TBC1D22A: variants seen among roughly 807,000 people sequenced by gnomAD.
TBC1D22A encodes the protein TBC1 domain family member 22A, also known as putative GTPase activator.
A neutral mutation model predicts 60.2 loss-of-function variants in TBC1D22A; 38 were observed. That is an observed-to-expected ratio of 0.63 (90% confidence interval 0.49 to 0.83). The LOEUF is 0.83. TBC1D22A is among the 40% of genes least tolerant of loss of function. TBC1D22A has a pLI of 0.00. For synonymous variants in TBC1D22A, 302 were observed against 281.7 expected, an observed-to-expected ratio of 1.07 and a Z score of -0.72; for missense variants, 628 against 701.0, an observed-to-expected ratio of 0.90 and a Z score of 1.18.
chr22:47,110,334 C>G (rs2065802030), intron 11 of TBC1D22A, among the ~76,000 whole-genome samples: 1 of 152,032 alleles, frequency 6.6e-6, no homozygotes, highest in Admixed American at 6.6e-5. Context: ...ACAAAATTAG[C>G]CAGGTGTGGT....
intron 9 of TBC1D22A, among the ~76,000 whole-genome samples, chr22:46,991,524 T>G (rs1223888212): frequency 2.0e-5 from 3 of 152,222 alleles, no homozygotes; most frequent in Non-Finnish European, 2.9e-5. Context: ...AGCAGTCAGC[T>G]CAGCAGAAGG....
intron 12 of TBC1D22A, among the ~76,000 whole-genome samples, chr22:47,167,195 T>A (rs2068240689): frequency 6.6e-6 from 1 of 152,194 alleles, no homozygotes; most frequent in Non-Finnish European, 1.5e-5. Context: ...TGAATTTGCA[T>A]ATACACACAG....
At chr22:46,776,286 C>A (rs752497308) in intron 1 of TBC1D22A, among the ~76,000 whole-genome samples, 2 of 152,090 alleles carry the variant, frequency 1.3e-5, no homozygotes, top group African/African-American at 2.4e-5. Context: ...TGTTTGGGAG[C>A]CTGGCGGGTC....
At chr22:46,838,170 G>T (rs2086600728) in intron 4 of TBC1D22A, among the ~76,000 whole-genome samples, 1 of 152,104 alleles carries the variant, frequency 6.6e-6, no homozygotes, top group Admixed American at 6.5e-5. Flanking sequence ...GTAAAGATTA[G>T]AACAAGTAAA....
intron 4 of TBC1D22A, among the ~76,000 whole-genome samples, chr22:46,853,874 A>G (rs184519652): frequency 6.6e-6 from 1 of 152,292 alleles, no homozygotes; most frequent in Non-Finnish European, 1.5e-5. Context: ...TTTGGAAAGC[A>G]CATGAGACTC....
At chr22:47,076,778 A>ACAGCAT (rs2064245407) in intron 11 of TBC1D22A, among the ~76,000 whole-genome samples, 1 of 152,186 alleles carries the variant, frequency 6.6e-6, no homozygotes, top group African/African-American at 2.4e-5. Context: ...AGCAACAGCA[A>ACAGCAT]CAAAAAACAG....
At chr22:46,793,390 G>C (rs2084508633) in intron 2 of TBC1D22A, 111 bp from the exon 3 acceptor site, 3 of 1,050,472 alleles carry the variant, frequency 2.9e-6, no homozygotes, top group Non-Finnish European at 1.4e-6. Context: ...ACTATTGCTA[G>C]ATCAAAGCTG....
chr22:46,793,612 C>T lies in TBC1D22A; in HGVS notation c.231C>T (p.Asp77=), dbSNP rs138211003. 48 of 1,613,888 alleles carry T rather than the reference C, an allele frequency of 3.0e-5. No individual in the cohort carries two copies. The highest frequency in any genetic ancestry group is 3.4e-5 in the Non-Finnish European group (40 of 1,180,032). ...GCGATGCCTGGGACGCTGGGGAGGA[C>T]GACGATGAGCTCCTGGCCATGGCGG... ...NTSDAWDAGE[D]DDELLAMAAE... is the part of the protein sequence containing the mutation. Residue 77 remains aspartate, a synonymous_variant, in exon 3 of 13, where the codon GAC becomes GAT. Coordinates refer to ENST00000337137, the MANE Select transcript of TBC1D22A (RefSeq NM_014346.5).
chr22:46,843,271 C>G (rs898739054), intron 4 of TBC1D22A, among the ~76,000 whole-genome samples: 1 of 152,094 alleles, frequency 6.6e-6, no homozygotes, highest in African/African-American at 2.4e-5. Context: ...AAACCACCAC[C>G]TGCACAGAGC....
chr22:47,030,499 G>A (rs2062434574), intron 10 of TBC1D22A, among the ~76,000 whole-genome samples: 1 of 152,218 alleles, frequency 6.6e-6, no homozygotes, highest in South Asian at 2.1e-4. Context: ...GCTGGGAAAA[G>A]TGTTCAACAA....
intron 8 of TBC1D22A, among the ~76,000 whole-genome samples, chr22:46,960,771 G>A (rs942780184): frequency 1.3e-5 from 2 of 151,878 alleles, no homozygotes; most frequent in Admixed American, 6.6e-5. Context: ...ACGGTGAAAC[G>A]CTGTCTCGAC....
chr22:46,991,420 T>C (rs136134), intron 9 of TBC1D22A, among the ~76,000 whole-genome samples: 66,077 of 151,994 alleles, frequency 0.43, 16,530 homozygotes, highest in African/African-American at 0.7. Flanking sequence ...AGATTCAGAA[T>C]GGGTTCAGCT....
chr22:46,920,152 TCATGG>T (rs1163498099), intron 8 of TBC1D22A, among the ~76,000 whole-genome samples: 1 of 152,156 alleles, frequency 6.6e-6, no homozygotes, highest in Non-Finnish European at 1.5e-5. Flanking sequence ...TTATCATAGT[TCATGG>T]CAGCTGCAAC....
rs136080 is a variant in TBC1D22A at position 46,953,486 on chromosome 22, G to GTT, written c.1016-20797_1016-20796dup. ...TTTACCTTCATTTTTATAATTTCCT[G>GTT]TTTTTTTTCATTTATTTTTGTAGGT... On this transcript the variant is annotated intron_variant, in intron 8 of 12. Transcript: ENST00000337137. 1.7e-3 allele frequency among the ~76,000 whole-genome samples: 265 copies of GTT among 151,546 alleles called. 2 individuals carry two copies. The highest frequency in any genetic ancestry group is 5.4e-3 in the Admixed American group (82 of 15,232).
At chr22:46,926,477 A>C (rs2071055427) in intron 8 of TBC1D22A, among the ~76,000 whole-genome samples, 1 of 152,254 alleles carries the variant, frequency 6.6e-6, no homozygotes, top group Non-Finnish European at 1.5e-5. Context: ...CTAGAAACAC[A>C]CAAATTGCCA....
chr22:46,822,085 G>T (rs953996922), intron 4 of TBC1D22A, among the ~76,000 whole-genome samples: 1 of 151,754 alleles, frequency 6.6e-6, no homozygotes, highest in East Asian at 1.9e-4. Context: ...TTTCAGCTCC[G>T]TCAGGTCATT....
chr22:46,839,991 C>T (rs543835420), intron 4 of TBC1D22A, among the ~76,000 whole-genome samples: 1 of 152,174 alleles, frequency 6.6e-6, no homozygotes, highest in African/African-American at 2.4e-5. Context: ...AACTGTAAAA[C>T]TACTGGAAGA....
intron 4 of TBC1D22A, among the ~76,000 whole-genome samples, chr22:46,802,347 G>A (rs1260895561): frequency 2.6e-5 from 4 of 152,248 alleles, no homozygotes; most frequent in Non-Finnish European, 5.9e-5. Flanking sequence ...CAAGGCATGT[G>A]GAGGGTAGAG....
At chr22:46,879,117 T>G (rs1480357008) in intron 5 of TBC1D22A, among the ~76,000 whole-genome samples, 1 of 22,046 alleles carries the variant, frequency 4.5e-5, no homozygotes, top group Non-Finnish European at 2.0e-4. Context: ...TTTGACCAAG[T>G]TTTTTTTTTT....
Sources: gnomAD v4.1 joint callset for allele counts (sites outside exome capture counted in the v4.1 genomes callset) on GRCh38, gnomAD v4.1.1 for gene constraint, MANE v1.5 for transcripts, NCBI Gene and HGNC (gene_info 2026-07-23, HGNC 2026-07-21) for gene names.